BTRC: variants seen among roughly 807,000 people sequenced by gnomAD.
BTRC encodes F-box/WD repeat-containing protein 1A.
In BTRC, 42 loss-of-function variants were observed where a neutral mutation model predicts 85.5. That is an observed-to-expected ratio of 0.49 (90% confidence interval 0.38 to 0.64). BTRC has a LOEUF of 0.64. Among genes scored for constraint, BTRC ranks in the 30% least tolerant of loss-of-function variants. The pLI, the probability that BTRC is intolerant of heterozygous loss-of-function variation, is 0.00. For synonymous variants in BTRC, 255 were observed against 263.3 expected (o/e 0.97, Z 0.30); for missense variants, 594 against 743.5 (o/e 0.80, Z 2.34).
At chr10:101,453,090 A>G (rs1226460378) in intron 2 of BTRC, among the ~76,000 whole-genome samples, 1 of 152,200 alleles carries the variant, frequency 6.6e-6, no homozygotes, top group East Asian at 1.9e-4. Context: ...CTTGTAAAAT[A>G]ATAATTTCTG....
At chr10:101,435,614 G>C (rs1252937741) in intron 2 of BTRC, among the ~76,000 whole-genome samples, 1 of 152,004 alleles carries the variant, frequency 6.6e-6, no homozygotes, top group Non-Finnish European at 1.5e-5. Context: ...TATTTGGATT[G>C]TTTCCAATTT....
chr10:101,515,118 G>A (rs1000788624), intron 4 of BTRC, among the ~76,000 whole-genome samples: 1 of 151,888 alleles, frequency 6.6e-6, no homozygotes, highest in African/African-American at 2.4e-5. Flanking sequence ...ACCACACCCG[G>A]CAAATTTTTG....
chr10:101,552,704 A>T (rs1019600163), intron 14 of BTRC, among the ~76,000 whole-genome samples: 3 of 152,060 alleles, frequency 2.0e-5, no homozygotes, highest in Non-Finnish European at 4.4e-5. Context: ...CCTCAACTGC[A>T]CTGTCCCCTC....
At chr10:101,536,738 T>A (rs970736871) in intron 12 of BTRC, 85 bp downstream of exon 12, 27 of 1,011,802 alleles carry the variant, frequency 2.7e-5, no homozygotes, top group Admixed American at 6.8e-5. Context: ...TAACCATTCC[T>A]TGTTTCTAAA....
At chr10:101,466,162 A>G (rs1468876038) in intron 3 of BTRC, among the ~76,000 whole-genome samples, 1 of 152,102 alleles carries the variant, frequency 6.6e-6, no homozygotes, top group African/African-American at 2.4e-5. Context: ...TCTGTAATTG[A>G]GTAAATTGTG....
Position 101,414,791 on chromosome 10 carries a change from A to G in BTRC, c.49-15554A>G, listed in dbSNP as rs149541943. The stretch of plus-strand genomic sequence containing the variant: ...AAGATGTTTAAATAATATATATAAT[A>G]TATATTTTTTAAATAGGAAACAACT... On this transcript the variant is annotated intron_variant, in intron 1 of 14. Transcript: ENST00000370187. 249 of 172,764 alleles carry G rather than the reference A, an allele frequency of 1.4e-3. 2 individuals carry two copies. Among genetic ancestry groups the G allele is most frequent in the African/African-American group, 5.8e-3 (242 of 41,658 alleles). 10.7% of individuals were successfully genotyped at this position (172,764 alleles called of 1,614,324 possible).
chr10:101,474,159 C>T (rs1945612048), intron 3 of BTRC, among the ~76,000 whole-genome samples: 1 of 152,028 alleles, frequency 6.6e-6, no homozygotes, highest in Non-Finnish European at 1.5e-5. Context: ...TCCTTTTTCT[C>T]ATTTTTAGTA....
chr10:101,504,287 G>C (rs1319006509), intron 4 of BTRC, among the ~76,000 whole-genome samples: 3 of 152,174 alleles, frequency 2.0e-5, no homozygotes, highest in African/African-American at 7.2e-5. Flanking sequence ...TCTCCCTCTT[G>C]ATGTTTATTG....
chr10:101,503,480 A>C (rs550379901), intron 4 of BTRC, among the ~76,000 whole-genome samples: 7 of 152,362 alleles, frequency 4.6e-5, no homozygotes, highest in African/African-American at 9.6e-5. Flanking sequence ...GAAAAAACAG[A>C]TGCTGCATCT....
intron 3 of BTRC, among the ~76,000 whole-genome samples, chr10:101,467,435 C>A (rs567514589): frequency 3.3e-5 from 5 of 150,780 alleles, no homozygotes; most frequent in Non-Finnish European, 7.4e-5. Context: ...GATAATTGCT[C>A]GAGAAAACCC....
rs1300307365 is a variant in BTRC at position 101,555,352 on chromosome 10, C to T, written c.*2229C>T. The T allele has an allele frequency of 6.6e-6, 1 of 152,644 alleles. No homozygotes were observed. Among genetic ancestry groups the T allele is most frequent in the Non-Finnish European group, 1.5e-5 (1 of 68,036 alleles). 9.5% of individuals were successfully genotyped at this position (152,644 alleles called of 1,614,324 possible). The stretch of plus-strand genomic sequence containing the variant: ...AGGGTTTTGCTCTCCAATCTAGGTT[C>T]AGTTGAAGGAATATTGTTTCTAAGA... On this transcript the variant is annotated 3_prime_UTR_variant, in exon 15 of 15. Coordinates refer to ENST00000370187, the MANE Select transcript of BTRC (RefSeq NM_033637.4).
intron 1 of BTRC, among the ~76,000 whole-genome samples, chr10:101,366,682 A>G (rs1942384147): frequency 6.8e-6 from 1 of 146,060 alleles, no homozygotes; most frequent in Non-Finnish European, 1.5e-5. Context: ...GCAGTGAGTT[A>G]TAGGTGGGTA....
chr10:101,399,397 AT>A, intron 1 of BTRC, among the ~76,000 whole-genome samples: 1 of 146,318 alleles, frequency 6.8e-6, no homozygotes, highest in South Asian at 2.1e-4. Flanking sequence ...GTAGCAGGTC[AT>A]GTATGACTCA....
intron 11 of BTRC, among the ~76,000 whole-genome samples, chr10:101,535,997 G>C (rs934172538): frequency 2.6e-5 from 4 of 152,212 alleles, no homozygotes; most frequent in African/African-American, 9.6e-5. Flanking sequence ...TTATATCTAA[G>C]GAAATTATTC....
At chr10:101,403,384 T>C (rs1943536258) in intron 1 of BTRC, among the ~76,000 whole-genome samples, 1 of 152,222 alleles carries the variant, frequency 6.6e-6, no homozygotes, top group Admixed American at 6.5e-5. Flanking sequence ...CTTGCATTCC[T>C]AAGATAAATC....
chr10:101,500,702 A>G (rs897939317), intron 4 of BTRC, among the ~76,000 whole-genome samples: 1 of 152,190 alleles, frequency 6.6e-6, no homozygotes, highest in African/African-American at 2.4e-5. Context: ...AAAACCTTAA[A>G]GCTTTTAAGA....
intron 13 of BTRC, among the ~76,000 whole-genome samples, chr10:101,543,646 T>A (rs1287975571): frequency 6.6e-6 from 1 of 151,732 alleles, no homozygotes; most frequent in Admixed American, 6.6e-5. Context: ...TCAGTTTAGC[T>A]CCTATTATGG....
chr10:101,385,898 T>C (rs1402699463), intron 1 of BTRC, among the ~76,000 whole-genome samples: 1 of 152,086 alleles, frequency 6.6e-6, no homozygotes, highest in Non-Finnish European at 1.5e-5. Flanking sequence ...TATTTTAATA[T>C]AACTAAGTTG....
chr10:101,525,067 G>A (rs560749592), intron 5 of BTRC, among the ~76,000 whole-genome samples: 1 of 152,272 alleles, frequency 6.6e-6, no homozygotes, highest in African/African-American at 2.4e-5. Context: ...TATGTACTTT[G>A]TAAACAGAAA....
Sources: allele counts gnomAD v4.1 joint callset (sites outside exome capture counted in the v4.1 genomes callset), GRCh38; gene constraint gnomAD v4.1.1; transcripts MANE v1.5; gene names NCBI Gene and HGNC (gene_info 2026-07-23, HGNC 2026-07-21).